Variants in MMP16 observed in about 807,000 individuals in gnomAD.
MMP16 encodes the protein matrix metallopeptidase 16.
MMP16 carries 12 observed loss-of-function variants against 67.8 expected under a neutral mutation model. The observed-to-expected ratio is 0.18, with a 90% CI of 0.11 to 0.29. The LOEUF is 0.29. MMP16 is among the 10% of genes least tolerant of loss of function. The pLI is 1.00. For missense variants in MMP16, 475 were observed against 765.7 expected, an observed-to-expected ratio of 0.62 and a Z score of 4.48; for synonymous variants, 249 against 255.9, an observed-to-expected ratio of 0.97 and a Z score of 0.26.
chr8:88,275,693 C>T (rs1432982493), intron 1 of MMP16, among the ~76,000 whole-genome samples: 2 of 150,864 alleles, frequency 1.3e-5, no homozygotes, highest in Non-Finnish European at 3.0e-5. Flanking sequence ...TCAGCCCTTG[C>T]CATATATTAC....
Position 88,179,084 on chromosome 8 carries a change from A to C in MMP16, c.404+7392T>G, listed in dbSNP as rs533401486. Among the ~76,000 whole-genome samples the C allele has an allele frequency of 3.7e-3, 563 of 152,146 alleles. 4 individuals are homozygous for C. The highest frequency in any genetic ancestry group is 0.013 in the African/African-American group (533 of 41,564). On this transcript the variant is annotated intron_variant, in intron 3 of 9. Transcript: ENST00000286614. ...GTACCAAAATTAATAGCAGAAACCA[A>C]ATCATAGATCTGGGAAACTCTGAGA...
intron 4 of MMP16, among the ~76,000 whole-genome samples, chr8:88,162,220 A>G (rs1028182284): frequency 2.0e-5 from 3 of 152,010 alleles, no homozygotes; most frequent in Admixed American, 6.6e-5. Flanking sequence ...GTAATCATGT[A>G]AGGCTATGTA....
At chr8:88,046,810 C>A in intron 8 of MMP16, 26 bp from the exon 9 acceptor site, 1 of 1,416,624 alleles carries the variant, frequency 7.1e-7, no homozygotes, top group South Asian at 1.2e-5. Context: ...ACAACAACAA[C>A]AAACACAATA....
chr8:88,143,872 T>G (rs1354048591), intron 4 of MMP16, among the ~76,000 whole-genome samples: 1 of 152,038 alleles, frequency 6.6e-6, no homozygotes, highest in African/African-American at 2.4e-5. Context: ...AGGAATCAGA[T>G]TGGAAACTTA....
chr8:88,097,003 C>T (rs192992195), intron 6 of MMP16, among the ~76,000 whole-genome samples: 280 of 151,946 alleles, frequency 1.8e-3, no homozygotes, highest in African/African-American at 6.4e-3. Context: ...ATTCCTAGGG[C>T]AAAATCTGCT....
At chr8:88,145,004 G>A (rs1490823530) in intron 4 of MMP16, among the ~76,000 whole-genome samples, 2 of 151,930 alleles carry the variant, frequency 1.3e-5, no homozygotes, top group African/African-American at 2.4e-5. Context: ...TTATTTTGTA[G>A]AATAATCTAA....
chr8:88,264,053 TATAG>T (rs1416115142), intron 1 of MMP16, among the ~76,000 whole-genome samples: 28 of 118,556 alleles, frequency 2.4e-4, no homozygotes, highest in Admixed American at 1.6e-3. Context: ...TATATATATA[TATAG>T]GGAGAGAGAG....
chr8:88,265,453 T>C (rs770863113), intron 1 of MMP16, among the ~76,000 whole-genome samples: 2 of 152,138 alleles, frequency 1.3e-5, no homozygotes, highest in South Asian at 2.1e-4. Flanking sequence ...AGGGAGTTCA[T>C]AGTTTAATGG....
intron 1 of MMP16, among the ~76,000 whole-genome samples, chr8:88,272,965 C>T (rs1461529068): frequency 1.3e-5 from 2 of 151,596 alleles, no homozygotes. Flanking sequence ...GAATAGAACA[C>T]CAGACCTCAG....
rs79832282 is a variant in MMP16, at chr8:88,272,830, G to A, written c.132+54245C>T. 8.2e-3 allele frequency among the ~76,000 whole-genome samples: 1,251 copies of A among 152,206 alleles called. 11 individuals carry two copies. Among genetic ancestry groups the A allele is most frequent in the Middle Eastern group, 0.027 (8 of 292 alleles). ...GAAGGGAGTAGTGACCACCAAAAGC[G>A]AGTATGTCAGGAATACTGAATAGAA... On this transcript the variant is annotated intron_variant, in intron 1 of 9. Transcript: ENST00000286614.
intron 4 of MMP16, among the ~76,000 whole-genome samples, chr8:88,148,868 C>T (rs1209723507): frequency 1.3e-5 from 2 of 152,092 alleles, no homozygotes; most frequent in Admixed American, 6.5e-5. Flanking sequence ...CCAAGATGGC[C>T]GAATAGGAAC....
Position 88,289,168 on chromosome 8 carries a change from A to T in MMP16, c.132+37907T>A, listed in dbSNP as rs138075913. ...GAGAGAGACAGAAGAAGAGAGAGAG[A>T]AAGAGAGTGTGAGCGCGAGACTGCA... On this transcript the variant is annotated intron_variant, in intron 1 of 9. Transcript: ENST00000286614. Among the ~76,000 whole-genome samples, 570 of 152,286 alleles carry T rather than the reference A, an allele frequency of 3.7e-3. 3 individuals carry two copies. The highest frequency in any genetic ancestry group is 5.2e-3 in the Non-Finnish European group (353 of 68,022).
At chr8:88,258,086 C>G (rs1810332158) in intron 1 of MMP16, among the ~76,000 whole-genome samples, 1 of 151,318 alleles carries the variant, frequency 6.6e-6, no homozygotes, top group Admixed American at 6.6e-5. Context: ...CGCTCTGTCA[C>G]CCAGGCTGGA....
At chr8:88,177,805 G>C (rs111925418) in intron 3 of MMP16, among the ~76,000 whole-genome samples, 65 of 152,182 alleles carry the variant, frequency 4.3e-4, no homozygotes, top group African/African-American at 1.5e-3. Context: ...TCACAGCTCA[G>C]ATACTCAGAC....
intron 7 of MMP16, among the ~76,000 whole-genome samples, chr8:88,060,146 A>T (rs1331584317): frequency 6.6e-6 from 1 of 152,064 alleles, no homozygotes; most frequent in Non-Finnish European, 1.5e-5. Context: ...TTTTTCTTTT[A>T]ACTGAATGAG....
chr8:88,261,837 G>A (rs926585646), intron 1 of MMP16, among the ~76,000 whole-genome samples: 7 of 151,452 alleles, frequency 4.6e-5, no homozygotes, highest in African/African-American at 1.5e-4. Context: ...CATTTACTGA[G>A]TGTATCCTAT....
At chr8:88,326,115 T>C (rs1255202479) in intron 1 of MMP16, among the ~76,000 whole-genome samples, 2 of 152,228 alleles carry the variant, frequency 1.3e-5, no homozygotes, top group African/African-American at 4.8e-5. Flanking sequence ...ACATCAGATC[T>C]AATCAAAAGA....
intron 4 of MMP16, among the ~76,000 whole-genome samples, chr8:88,121,666 T>C (rs1807833021): frequency 6.6e-6 from 1 of 152,042 alleles, no homozygotes; most frequent in Non-Finnish European, 1.5e-5. Context: ...AGTCTCTTGG[T>C]TCTTAATACA....
rs1282488258 is a variant in MMP16, at chr8:88,036,570, G to A, written c.*4891C>T. ...ATGATTCCCTCCTAGGCAACGTGGA[G>A]CCTGTAACTTAACTGCATATGCTCT... On this transcript the variant is annotated 3_prime_UTR_variant, in exon 10 of 10. Transcript: ENST00000286614. 1 of 151,788 alleles carries A rather than the reference G, an allele frequency of 6.6e-6. No individual in the cohort carries two copies. The highest frequency in any genetic ancestry group is 1.5e-5 in the Non-Finnish European group (1 of 67,810). 9.4% of individuals were successfully genotyped at this position (151,788 alleles called of 1,614,324 possible).
Sources: allele counts gnomAD v4.1 joint callset (sites outside exome capture counted in the v4.1 genomes callset), GRCh38; gene constraint gnomAD v4.1.1; transcripts MANE v1.5; gene names NCBI Gene and HGNC (gene_info 2026-07-23, HGNC 2026-07-21).